KDM7A: variants seen among roughly 807,000 people sequenced by gnomAD.
KDM7A encodes the protein lysine-specific demethylase 7A.
Under a neutral mutation model 114.8 loss-of-function variants are expected in KDM7A, and 28 were observed. The ratio of observed to expected loss-of-function variants is 0.24; its 90% CI spans 0.18 to 0.33. The LOEUF (loss-of-function observed/expected upper bound fraction) is 0.33, where lower values mean the gene tolerates loss of function less well. Among genes scored for constraint, KDM7A ranks in the 10% least tolerant of loss-of-function variants. The pLI is 1.00. For missense variants in KDM7A, 942 were observed against 1,142.5 expected (o/e 0.82, Z 2.53); for synonymous variants, 423 against 397.8 (o/e 1.06, Z -0.75).
intron 9 of KDM7A, among the ~76,000 whole-genome samples, chr7:140,114,257 C>T (rs1218250828): frequency 6.6e-6 from 1 of 152,158 alleles, no homozygotes; most frequent in African/African-American, 2.4e-5. Context: ...CGGCTCACTG[C>T]AACCTCCCTG....
chr7:140,123,065 T>C (rs1818640788), intron 7 of KDM7A, among the ~76,000 whole-genome samples: 1 of 152,066 alleles, frequency 6.6e-6, no homozygotes, highest in African/African-American at 2.4e-5. Context: ...AATAGACATT[T>C]CTCCAAAGAA....
At position 140,091,014 on chromosome 7, in the gene KDM7A, C is replaced by G; in HGVS notation, c.*80G>C. ...TACTATACACACAAACTGCTCCAGG[C>G]AGGGGGACAGCGGAAGCTCCAGGCT... On this transcript the variant is annotated 3_prime_UTR_variant, in exon 20 of 20. Transcript: ENST00000397560. The G allele has an allele frequency of 1.0e-6, 1 of 970,038 alleles. No homozygotes were observed. Among genetic ancestry groups the G allele is most frequent in the Non-Finnish European group, 1.7e-6 (1 of 598,504 alleles). The allele number at this position is 970,038 out of a possible 1,614,324, so 60.1% of individuals were successfully genotyped here.
At chr7:140,170,200 T>C (rs752880715) in intron 1 of KDM7A, among the ~76,000 whole-genome samples, 7 of 152,308 alleles carry the variant, frequency 4.6e-5, no homozygotes, top group Non-Finnish European at 1.0e-4. Context: ...ATAACAAGGA[T>C]GAAAGCGGAG....
intron 11 of KDM7A, among the ~76,000 whole-genome samples, chr7:140,104,926 G>A (rs956915013): frequency 1.9e-4 from 29 of 152,170 alleles, no homozygotes; most frequent in African/African-American, 6.5e-4. Flanking sequence ...CCATGAGCAT[G>A]GAATGTTCTT....
intron 4 of KDM7A, among the ~76,000 whole-genome samples, chr7:140,127,979 T>C (rs192408173): frequency 3.9e-5 from 6 of 151,982 alleles, no homozygotes; most frequent in African/African-American, 1.2e-4. Flanking sequence ...AGACTGACTT[T>C]TCCCTTTCAC....
In KDM7A at chr7:140,127,351, A is replaced by C. The variant is rs939544299; in HGVS notation, c.701+91T>G. 1.9e-5 allele frequency: 22 copies of C among 1,152,612 alleles called. No individual in the cohort carries two copies. In the African/African-American group the frequency reaches 2.5e-4, roughly 13 times the overall value. The allele number at this position is 1,152,612 out of a possible 1,614,324, so 71.4% of individuals were successfully genotyped here. On this transcript the variant is annotated intron_variant, in intron 5 of 19. Transcript: ENST00000397560. ...CTACCACTGGACAACTTTAGAAGTCACAACTATGTTTCTTCCTAAAATAAA... is the reference window on the plus strand; with the variant it reads ...CTACCACTGGACAACTTTAGAAGTCCCAACTATGTTTCTTCCTAAAATAAA...
At chr7:140,101,285 C>A (rs920197914) in intron 12 of KDM7A, among the ~76,000 whole-genome samples, 12 of 152,162 alleles carry the variant, frequency 7.9e-5, no homozygotes, top group African/African-American at 2.9e-4. Context: ...GTCCAGTAGG[C>A]CAGCACTTCA....
At chr7:140,136,250 GAAGATAA>G (rs1562955453) in intron 2 of KDM7A, among the ~76,000 whole-genome samples, 1 of 152,176 alleles carries the variant, frequency 6.6e-6, no homozygotes, top group East Asian at 1.9e-4. Context: ...AAATGTCAAA[GAAGATAA>G]CATAGGTTAA....
chr7:140,154,268 T>G (rs565257251), intron 1 of KDM7A, among the ~76,000 whole-genome samples: 3 of 151,972 alleles, frequency 2.0e-5, no homozygotes, highest in Non-Finnish European at 4.4e-5. Flanking sequence ...GGAGGACTTC[T>G]TGAAGCCAGA....
intron 2 of KDM7A, among the ~76,000 whole-genome samples, chr7:140,135,313 C>T (rs1477885441): frequency 6.9e-6 from 1 of 144,832 alleles, no homozygotes; most frequent in African/African-American, 2.6e-5. Flanking sequence ...CAGCAATTCC[C>T]CTGCCTCAGC....
intron 7 of KDM7A, among the ~76,000 whole-genome samples, chr7:140,120,862 C>G (rs532310629): frequency 1.3e-5 from 2 of 152,160 alleles, no homozygotes; most frequent in Non-Finnish European, 2.9e-5. Flanking sequence ...CTCACATTGG[C>G]CTCCCAAAGT....
At chr7:140,102,879 A>G (rs1291633139) in intron 11 of KDM7A, among the ~76,000 whole-genome samples, 1 of 152,242 alleles carries the variant, frequency 6.6e-6, no homozygotes, top group Admixed American at 6.5e-5. Context: ...TTCTATAAGC[A>G]TATCATGAAA....
At chr7:140,112,919 T>C (rs1055875499) in intron 10 of KDM7A, among the ~76,000 whole-genome samples, 8 of 152,232 alleles carry the variant, frequency 5.3e-5, no homozygotes, top group Admixed American at 2.0e-4. Context: ...TTCATGAAAA[T>C]GGAAAGCTCA....
At chr7:140,141,636 G>A (rs772152950) in intron 1 of KDM7A, among the ~76,000 whole-genome samples, 3 of 151,956 alleles carry the variant, frequency 2.0e-5, no homozygotes, top group Admixed American at 6.6e-5. Flanking sequence ...GCTTACATCT[G>A]TAATCCCAGC....
Position 140,086,054 on chromosome 7 carries a change from A to G in KDM7A, c.*5040T>C, listed in dbSNP as rs1817919346. On this transcript the variant is annotated 3_prime_UTR_variant, in exon 20 of 20. Coordinates refer to ENST00000397560, the MANE Select transcript of KDM7A (RefSeq NM_030647.2). The stretch of plus-strand genomic sequence containing the variant: ...CTGACATTTTGAAAAAGAAATGGCC[A>G]AAATGAAACTGGTTGGAGACAAGTT... 1 of 152,242 alleles carries G rather than the reference A, an allele frequency of 6.6e-6. No individual in the cohort carries two copies. Among genetic ancestry groups the G allele is most frequent in the Non-Finnish European group, 1.5e-5 (1 of 68,048 alleles). The allele number at this position is 152,242 out of a possible 1,614,324, so 9.4% of individuals were successfully genotyped here. A position where few individuals can be genotyped will look rare whatever the true frequency, so the allele number is the denominator to read the frequency against.
At chr7:140,154,009 T>C (rs1794430626) in intron 1 of KDM7A, among the ~76,000 whole-genome samples, 1 of 152,202 alleles carries the variant, frequency 6.6e-6, no homozygotes, top group African/African-American at 2.4e-5. Context: ...ATTTTTGCAG[T>C]GATTTCTGAT....
chr7:140,104,802 T>C (rs1235925889), intron 11 of KDM7A, among the ~76,000 whole-genome samples: 1 of 144,910 alleles, frequency 6.9e-6, no homozygotes, highest in Admixed American at 6.6e-5. Flanking sequence ...ATATGAACTT[T>C]AAAGTAGTTT....
intron 14 of KDM7A, 119 bp from the exon 15 acceptor site, chr7:140,097,761 C>T: frequency 1.7e-6 from 1 of 578,604 alleles, no homozygotes; most frequent in Non-Finnish European, 3.1e-6. Flanking sequence ...TCTTGCTCTA[C>T]CCTCCTTTTT....
intron 1 of KDM7A, among the ~76,000 whole-genome samples, chr7:140,142,033 A>AAAAAGATATATATATATCATATATATAT (rs1794288401): frequency 6.8e-6 from 1 of 146,260 alleles, no homozygotes; most frequent in Non-Finnish European, 1.5e-5. Context: ...TTTATATATT[A>AAAAAGATATATATATATCATATATATAT]AAAAGATATT....
Sources: allele counts gnomAD v4.1 joint callset (sites outside exome capture counted in the v4.1 genomes callset), GRCh38; gene constraint gnomAD v4.1.1; transcripts MANE v1.5; gene names NCBI Gene and HGNC (gene_info 2026-07-23, HGNC 2026-07-21).